The following XKR6 variants were observed in gnomAD, a reference collection of about 807,000 sequenced individuals.
XKR6 encodes the protein XK-related protein 6.
A neutral mutation model predicts 56.7 loss-of-function variants in XKR6; 22 were observed. The observed-to-expected ratio is 0.39, with a 90% confidence interval of 0.28 to 0.55. The LOEUF is 0.55. XKR6 is among the 20% of genes least tolerant of loss of function. The probability of loss-of-function intolerance (pLI) is 0.66; values close to 1 mark genes in which losing one functional copy is unlikely to be tolerated. For missense variants in XKR6, 852 were observed against 889.0 expected (o/e 0.96, Z 0.53); for synonymous variants, 524 against 387.8 (o/e 1.35, Z -4.13).
rs192966233 is a variant in XKR6 at position 11,119,579 on chromosome 8, T to A, written c.764+80997A>T. On this transcript the variant is annotated intron_variant, in intron 1 of 2. Transcript: ENST00000416569. The stretch of plus-strand genomic sequence containing the variant: ...CATTATGTAATGGCCTTGTCTCTTT[T>A]GATCTTTGTTGGTTTAAAGTCTGTT... 6.2e-4 allele frequency among the ~76,000 whole-genome samples: 95 copies of A among 152,342 alleles called. 1 individual carries two copies. The highest frequency in any genetic ancestry group is 2.2e-4 in the Non-Finnish European group (15 of 68,026).
chr8:11,176,404 T>C (rs1380874904), intron 1 of XKR6, among the ~76,000 whole-genome samples: 1 of 152,120 alleles, frequency 6.6e-6, no homozygotes, highest in Admixed American at 6.6e-5. Context: ...ATGTCAAAAA[T>C]AAAGTCACCT....
intron 1 of XKR6, among the ~76,000 whole-genome samples, chr8:11,104,252 A>ATCTGACTGGAGATC (rs1352866735): frequency 1.3e-5 from 2 of 152,262 alleles, no homozygotes; most frequent in African/African-American, 2.4e-5. Flanking sequence ...AGAACTGTGA[A>ATCTGACTGGAGATC]TCTGACTGGA....
chr8:10,908,532 C>T (rs1167509915), intron 2 of XKR6, among the ~76,000 whole-genome samples: 4 of 152,080 alleles, frequency 2.6e-5, no homozygotes, highest in Non-Finnish European at 5.9e-5. Flanking sequence ...CAGACATGCT[C>T]CAGCCGCACT....
chr8:11,104,867 G>A (rs1798618745), intron 1 of XKR6: 1 of 152,150 alleles, frequency 6.6e-6, no homozygotes, highest in Non-Finnish European at 1.5e-5. Flanking sequence ...GGATCTTTGC[G>A]TTATGTGAGG....
At chr8:11,033,395 TGAC>T (rs1327351623) in intron 1 of XKR6, among the ~76,000 whole-genome samples, 1 of 150,368 alleles carries the variant, frequency 6.7e-6, no homozygotes, top group African/African-American at 2.5e-5. Flanking sequence ...ATGATGATGA[TGAC>T]GATAGTGATG....
intron 1 of XKR6, among the ~76,000 whole-genome samples, chr8:10,988,641 C>T (rs896175646): frequency 2.0e-5 from 3 of 152,224 alleles, no homozygotes; most frequent in Non-Finnish European, 4.4e-5. Flanking sequence ...GGGCACACCC[C>T]TGGGCCTGTC....
chr8:11,160,493 A>T (rs1010491105), intron 1 of XKR6, among the ~76,000 whole-genome samples: 4 of 152,242 alleles, frequency 2.6e-5, no homozygotes, highest in African/African-American at 9.6e-5. Flanking sequence ...AGGCATCATA[A>T]CTGTCTTCCA....
intron 1 of XKR6, among the ~76,000 whole-genome samples, chr8:10,946,435 C>T (rs985519003): frequency 6.6e-6 from 1 of 152,054 alleles, no homozygotes; most frequent in African/African-American, 2.4e-5. Flanking sequence ...CAGGGTGTGG[C>T]TGAAACACTC....
chr8:11,200,674 C>A lies in XKR6; in HGVS notation c.666G>T (p.Val222=). 6.4e-7 allele frequency: 1 copy of A among 1,563,162 alleles called. No homozygotes were observed. The highest frequency in any genetic ancestry group is 1.2e-5 in the South Asian group (1 of 84,824). Residue 222 remains valine, a synonymous_variant, in exon 1 of 3, where the codon GTG becomes GTT. Coordinates refer to ENST00000416569, the MANE Select transcript of XKR6 (RefSeq NM_173683.4). The surrounding 1 kb of genome is among the most constrained non-coding windows in gnomAD (Gnocchi z 6.4). ...GCGCCCCCGGCGTGGGGGAGACCCT[C>A]ACGCCTGGGCCACCGCGGGCCGCGC... ...VHGAARGGPG[V]RVSPTPGAQR...
At chr8:11,165,661 ACTC>A (rs775824037) in intron 1 of XKR6, among the ~76,000 whole-genome samples, 19 of 152,218 alleles carry the variant, frequency 1.2e-4, no homozygotes, top group Non-Finnish European at 2.8e-4. Flanking sequence ...CTTAGACTGT[ACTC>A]CTGAAAAATT....
intron 1 of XKR6, chr8:11,062,814 C>G (rs868661002): frequency 2.2e-6 from 1 of 456,186 alleles, no homozygotes; most frequent in Non-Finnish European, 4.4e-6. Context: ...TCCCAGCCTC[C>G]TCGGCAATCA....
chr8:10,900,009 C>A (rs545701374), intron 2 of XKR6, among the ~76,000 whole-genome samples: 2 of 152,270 alleles, frequency 1.3e-5, no homozygotes, highest in Admixed American at 6.5e-5. Context: ...ATCACCAACC[C>A]CCAACTCCCC....
At chr8:11,143,835 G>A (rs1336255942) in intron 1 of XKR6, among the ~76,000 whole-genome samples, 1 of 152,186 alleles carries the variant, frequency 6.6e-6, no homozygotes, top group East Asian at 1.9e-4. Flanking sequence ...TGCAGACTGG[G>A]TGACTTCAAC....
intron 1 of XKR6, among the ~76,000 whole-genome samples, chr8:11,179,020 C>CTTT (rs35214787): frequency 6.7e-5 from 7 of 104,518 alleles, no homozygotes; most frequent in South Asian, 2.9e-4. Flanking sequence ...TTTTCTTTTT[C>CTTT]TTTTTTTTTT....
chr8:11,149,046 A>C (rs890077983), intron 1 of XKR6, among the ~76,000 whole-genome samples: 3 of 152,176 alleles, frequency 2.0e-5, no homozygotes, highest in Non-Finnish European at 4.4e-5. Flanking sequence ...GCACATAAGG[A>C]AACTGTGGGG....
chr8:10,975,270 T>TC, intron 1 of XKR6, among the ~76,000 whole-genome samples: 1 of 152,186 alleles, frequency 6.6e-6, no homozygotes, highest in South Asian at 2.1e-4. Context: ...CCCAGGCTGC[T>TC]CCCCCATCAC....
intron 1 of XKR6, among the ~76,000 whole-genome samples, chr8:11,081,278 C>G (rs930490569): frequency 6.6e-6 from 1 of 152,180 alleles, no homozygotes; most frequent in Non-Finnish European, 1.5e-5. Flanking sequence ...ACCTCGGCTT[C>G]CTAATGCATT....
At chr8:11,012,160 T>C (rs1340572562) in intron 1 of XKR6, among the ~76,000 whole-genome samples, 3 of 152,134 alleles carry the variant, frequency 2.0e-5, no homozygotes, top group African/African-American at 7.2e-5. Flanking sequence ...CTGCAGAAGC[T>C]ACCACTCATC....
In XKR6 at chr8:11,193,746, C is replaced by A. The variant is rs928491043; in HGVS notation, c.764+6830G>T. Among the ~76,000 whole-genome samples, 5 of 139,098 alleles carry A rather than the reference C, an allele frequency of 3.6e-5. 1 individual carries two copies. Among genetic ancestry groups the A allele is most frequent in the South Asian group, 5.4e-4 (2 of 3,726 alleles). 91.3% of individuals were successfully genotyped at this position (139,098 alleles called of 152,430 possible). A position where few individuals can be genotyped will look rare whatever the true frequency, so the allele number is the denominator to read the frequency against. On this transcript the variant is annotated intron_variant, in intron 1 of 2. Transcript: ENST00000416569. ...GTAATTTTAAGGTTCTGACCCCCCCCCCCCCACAAAAGAAATTAACCTTGG... is the reference window on the plus strand; with the variant it reads ...GTAATTTTAAGGTTCTGACCCCCCCACCCCCACAAAAGAAATTAACCTTGG...
Sources: gnomAD v4.1 joint callset for allele counts (sites outside exome capture counted in the v4.1 genomes callset) on GRCh38, gnomAD v4.1.1 for gene constraint, Gnocchi (gnomAD v3.1) non-coding constraint, MANE v1.5 for transcripts, NCBI Gene and HGNC (gene_info 2026-07-23, HGNC 2026-07-21) for gene names.